CBFB: variants seen among roughly 807,000 people sequenced by gnomAD.
CBFB encodes CBF-beta.
A neutral mutation model predicts 30.4 loss-of-function variants in CBFB; 9 were observed. That is an observed-to-expected ratio of 0.30 (90% confidence interval 0.18 to 0.52). The LOEUF (loss-of-function observed/expected upper bound fraction) is 0.52. Ranked by LOEUF, CBFB falls within the 20% of genes least tolerant of loss-of-function variation. The pLI, the probability that CBFB is intolerant of heterozygous loss-of-function variation, is 0.97. For synonymous variants in CBFB, 94 were observed against 84.0 expected, an observed-to-expected ratio of 1.12 and a Z score of -0.65; for missense variants, 170 against 244.0, an observed-to-expected ratio of 0.70 and a Z score of 2.02.
chr16:67,099,778 CAG>C lies in CBFB; in HGVS notation c.*1001_*1002del. ...ATGTAACAGCATATTAAACTGGAGA[CAG>C]TGATGAATCAGCTACAAAGGTAATA... On this transcript the variant is annotated 3_prime_UTR_variant, in exon 6 of 6. Coordinates refer to ENST00000412916, the MANE Select transcript of CBFB (RefSeq NM_022845.3). 9.6e-6 allele frequency: 2 copies of C among 208,548 alleles called. No individual in the cohort carries two copies. Among genetic ancestry groups the C allele is most frequent in the Non-Finnish European group, 9.8e-6 (1 of 102,274 alleles). The allele number at this position is 208,548 out of a possible 1,614,324, so 12.9% of individuals were successfully genotyped here. A position where few individuals can be genotyped will look rare whatever the true frequency, so the allele number is the denominator to read the frequency against.
intron 3 of CBFB, among the ~76,000 whole-genome samples, chr16:67,062,375 G>A (rs1960936563): frequency 6.6e-6 from 1 of 151,380 alleles, no homozygotes; most frequent in African/African-American, 2.4e-5. Flanking sequence ...TGCCATGTTG[G>A]CCGGGCTGGT....
At chr16:67,066,560 A>T in intron 3 of CBFB, 122 bp from the exon 4 acceptor site, 1 of 528,046 alleles carries the variant, frequency 1.9e-6, no homozygotes, top group Non-Finnish European at 3.4e-6. Flanking sequence ...ACTCCATCTC[A>T]ATCAATCAGT....
chr16:67,053,991 A>G (rs774550747), intron 3 of CBFB, among the ~76,000 whole-genome samples: 7 of 151,798 alleles, frequency 4.6e-5, no homozygotes, highest in Non-Finnish European at 7.4e-5. Context: ...AGGCTTATAT[A>G]TGAGCATTTT....
chr16:67,039,002 A>G (rs1042227643), intron 3 of CBFB, among the ~76,000 whole-genome samples: 2 of 152,350 alleles, frequency 1.3e-5, no homozygotes, highest in East Asian at 1.9e-4. Flanking sequence ...TTTTAGTTAT[A>G]TGACCAAAAA....
At chr16:67,063,102 G>T (rs1267605160) in intron 3 of CBFB, among the ~76,000 whole-genome samples, 1 of 152,138 alleles carries the variant, frequency 6.6e-6, no homozygotes, top group Non-Finnish European at 1.5e-5. Context: ...GATGAAATAA[G>T]GGGTATTGTT....
At chr16:67,047,557 TAAAC>T (rs975225507) in intron 3 of CBFB, among the ~76,000 whole-genome samples, 6 of 152,190 alleles carry the variant, frequency 3.9e-5, no homozygotes, top group Non-Finnish European at 5.9e-5. Context: ...TGTTTTCAAA[TAAAC>T]AAATCTGCCC....
chr16:67,099,298 G>A lies in CBFB; in HGVS notation c.*520G>A, dbSNP rs1219233491. 4.4e-6 allele frequency: 1 copy of A among 228,802 alleles called. No homozygotes were observed. Among genetic ancestry groups the A allele is most frequent in the Non-Finnish European group, 8.6e-6 (1 of 115,714 alleles). The allele number at this position is 228,802 out of a possible 1,614,324, so 14.2% of individuals were successfully genotyped here. ...ATAGCATTTTAAAACTGCTGATGTT[G>A]TTTGCATTATTTACAGGCTAAAAAC... is the stretch of plus-strand genomic sequence containing the variant. On this transcript the variant is annotated 3_prime_UTR_variant, in exon 6 of 6. Transcript: ENST00000412916.
intron 2 of CBFB, among the ~76,000 whole-genome samples, chr16:67,035,101 A>G (rs1054559029): frequency 6.7e-6 from 1 of 150,188 alleles, no homozygotes; most frequent in Non-Finnish European, 1.5e-5. Flanking sequence ...TGTTTTTGTG[A>G]TGGAGTCTCG....
intron 3 of CBFB, among the ~76,000 whole-genome samples, chr16:67,048,531 A>G (rs1015181121): frequency 6.6e-6 from 1 of 152,092 alleles, no homozygotes. Context: ...TTAATTCACC[A>G]ATTACACAAC....
chr16:67,074,321 C>T (rs1166668770), intron 4 of CBFB, among the ~76,000 whole-genome samples: 2 of 151,916 alleles, frequency 1.3e-5, no homozygotes, highest in Non-Finnish European at 2.9e-5. Context: ...TATCAGAGCC[C>T]CTTATACCAT....
At chr16:67,096,378 CAG>C (rs1962046448) in intron 5 of CBFB, among the ~76,000 whole-genome samples, 1 of 151,460 alleles carries the variant, frequency 6.6e-6, no homozygotes, top group Non-Finnish European at 1.5e-5. Flanking sequence ...TGGATACAAA[CAG>C]ATATTTGTGC....
intron 4 of CBFB, among the ~76,000 whole-genome samples, chr16:67,073,112 C>T (rs1312205491): frequency 6.6e-6 from 1 of 152,138 alleles, no homozygotes; most frequent in Non-Finnish European, 1.5e-5. Context: ...AATTGAGTGT[C>T]TGTAAACTAC....
intron 5 of CBFB, among the ~76,000 whole-genome samples, chr16:67,096,788 C>T (rs1962059360): frequency 6.6e-6 from 1 of 151,690 alleles, no homozygotes; most frequent in Non-Finnish European, 1.5e-5. Flanking sequence ...TCCTGGCTAA[C>T]ACAAAGAAAC....
Position 67,040,458 on chromosome 16 carries a change from A to G in CBFB, c.282+3703A>G, listed in dbSNP as rs566795828. On this transcript the variant is annotated intron_variant, in intron 3 of 5. Coordinates refer to ENST00000412916, the MANE Select transcript of CBFB (RefSeq NM_022845.3). ...CAGTGTAACTTTGGGCATGTTGTTTAATCATTGTAATCCTTAGTTGTAGAA... is the reference window on the plus strand; with the variant it reads ...CAGTGTAACTTTGGGCATGTTGTTTGATCATTGTAATCCTTAGTTGTAGAA... 1.4e-4 allele frequency among the ~76,000 whole-genome samples: 21 copies of G among 152,330 alleles called. No individual in the cohort carries two copies. In the South Asian group the frequency reaches 4.3e-3, roughly 32 times the overall value.
chr16:67,029,852 T>A, intron 2 of CBFB, 39 bp downstream of exon 2: 1 of 1,490,248 alleles, frequency 6.7e-7, no homozygotes, highest in African/African-American at 1.4e-5. Context: ...GGTCACTTGT[T>A]GCGCGGGGCC....
intron 2 of CBFB, 200 bp from the exon 3 acceptor site, chr16:67,036,439 A>G (rs773860439): frequency 9.6e-5 from 49 of 509,898 alleles, no homozygotes; most frequent in Middle Eastern, 5.1e-4. Flanking sequence ...TAAGCAGCCA[A>G]TGGCAAATGT....
intron 2 of CBFB, among the ~76,000 whole-genome samples, chr16:67,033,671 G>A (rs1000688244): frequency 1.5e-4 from 22 of 150,726 alleles, no homozygotes; most frequent in African/African-American, 5.1e-4. Context: ...GAGTGCAGTG[G>A]CACGATCTCG....
chr16:67,053,226 G>A (rs1415115056), intron 3 of CBFB, among the ~76,000 whole-genome samples: 12 of 150,434 alleles, frequency 8.0e-5, no homozygotes, highest in African/African-American at 1.9e-4. Context: ...TGTAAACAAC[G>A]GACTCTAATG....
intron 3 of CBFB, among the ~76,000 whole-genome samples, chr16:67,048,208 C>T (rs1966665716): frequency 6.6e-6 from 1 of 152,160 alleles, no homozygotes. Flanking sequence ...CACCACGGCA[C>T]TCCAGCCTGG....
Sources: gnomAD v4.1 joint callset for allele counts (sites outside exome capture counted in the v4.1 genomes callset) on GRCh38, gnomAD v4.1.1 for gene constraint, MANE v1.5 for transcripts, NCBI Gene and HGNC (gene_info 2026-07-23, HGNC 2026-07-21) for gene names.